RCBTB2: variants seen among roughly 807,000 people sequenced by gnomAD.
The protein encoded by RCBTB2 is RCC1 and BTB domain-containing protein 2.
RCBTB2 carries 55 observed loss-of-function variants against 65.4 expected under a neutral mutation model. The ratio of observed to expected loss-of-function variants is 0.84; its 90% CI spans 0.68 to 1.05. The LOEUF (loss-of-function observed/expected upper bound fraction) is 1.05, where lower values mean the gene tolerates loss of function less well. RCBTB2 is among the 50% of genes least tolerant of loss of function. The pLI is 0.00. For missense variants in RCBTB2, 599 were observed against 680.1 expected (o/e 0.88, Z 1.33); for synonymous variants, 220 against 255.2 (o/e 0.86, Z 1.31).
At chr13:48,492,095 C>T (rs997007338) in intron 14 of RCBTB2, among the ~76,000 whole-genome samples, 1 of 152,180 alleles carries the variant, frequency 6.6e-6, no homozygotes, top group Non-Finnish European at 1.5e-5. Context: ...TACTTCTCCC[C>T]ATAAGCCTGA....
intron 14 of RCBTB2, among the ~76,000 whole-genome samples, chr13:48,493,342 T>TC (rs1949824982): frequency 1.4e-4 from 3 of 22,202 alleles, no homozygotes; most frequent in Admixed American, 5.3e-4. Context: ...CTCTCTCTCT[T>TC]CTCTTCTCTC....
At chr13:48,527,360 T>TCA (rs1491482035) in intron 1 of RCBTB2, among the ~76,000 whole-genome samples, 6 of 114,642 alleles carry the variant, frequency 5.2e-5, no homozygotes, top group African/African-American at 3.1e-4. Flanking sequence ...ATGATATATA[T>TCA]TTATATATGA....
chr13:48,507,288 G>A (rs779758040), intron 10 of RCBTB2, among the ~76,000 whole-genome samples: 7 of 152,256 alleles, frequency 4.6e-5, no homozygotes, highest in Admixed American at 6.5e-5. Context: ...CCAAGCAACC[G>A]CTAAGGAATC....
In RCBTB2 at chr13:48,502,705, T is replaced by C. The variant is rs369101043; in HGVS notation, c.1117+19A>G. On this transcript the variant is annotated intron_variant, in intron 11 of 14. Coordinates refer to ENST00000344532, the MANE Select transcript of RCBTB2 (RefSeq NM_001268.4). ...CCAGATTTTCAGGCCATCCCCCAAA[T>C]GGACAGTGACCAGCTTACCCACGGA... The C allele has an allele frequency of 1.1e-4, 174 of 1,590,214 alleles. No individual in the cohort carries two copies. The highest frequency in any genetic ancestry group is 1.8e-4 in the Middle Eastern group (1 of 5,436).
At chr13:48,535,741 C>T (rs995614926), upstream of RCBTB2, 2 of 456,608 alleles carry the variant, frequency 4.4e-6, no homozygotes, top group Non-Finnish European at 8.8e-6. Flanking sequence ...AAGCATTCAT[C>T]TTCTTCTGTT....
intron 1 of RCBTB2, among the ~76,000 whole-genome samples, chr13:48,525,272 G>C (rs1476115301): frequency 6.7e-6 from 1 of 150,076 alleles, no homozygotes; most frequent in Non-Finnish European, 1.5e-5. Context: ...ATGCATAATG[G>C]ACAGCTTGGA....
chr13:48,499,978 C>T (rs539036493), intron 12 of RCBTB2, among the ~76,000 whole-genome samples: 12 of 152,304 alleles, frequency 7.9e-5, no homozygotes, highest in African/African-American at 2.2e-4. Context: ...CCCCAATGGC[C>T]GTGCTAATGG....
chr13:48,495,681 C>A (rs928340285), intron 14 of RCBTB2, among the ~76,000 whole-genome samples: 11 of 152,202 alleles, frequency 7.2e-5, no homozygotes, highest in African/African-American at 2.4e-4. Flanking sequence ...GTACTCTCAT[C>A]AGCAGTTTAG....
intron 1 of RCBTB2, among the ~76,000 whole-genome samples, chr13:48,530,849 T>TA (rs1420013139): frequency 2.0e-5 from 3 of 152,348 alleles, no homozygotes; most frequent in Middle Eastern, 3.4e-3. Flanking sequence ...CTATATACTA[T>TA]AAAAAATGGT....
intron 12 of RCBTB2, among the ~76,000 whole-genome samples, chr13:48,500,865 G>A (rs889617981): frequency 2.0e-5 from 3 of 152,182 alleles, no homozygotes; most frequent in Non-Finnish European, 2.9e-5. Context: ...ATGTGATATA[G>A]AGAGAGTGAG....
chr13:48,496,971 C>A (rs1950014207), intron 13 of RCBTB2, among the ~76,000 whole-genome samples: 1 of 152,124 alleles, frequency 6.6e-6, no homozygotes, highest in South Asian at 2.1e-4. Context: ...CATTTTCCCA[C>A]CTCCCATTCT....
intron 4 of RCBTB2, 118 bp from the exon 5 acceptor site, chr13:48,515,859 T>C: frequency 2.0e-6 from 2 of 1,006,252 alleles, no homozygotes; most frequent in Non-Finnish European, 2.9e-6. Context: ...GCATCCATTT[T>C]TGAGAGGCCT....
chr13:48,525,373 GATATATATATATATATATATATATATAT>G lies in RCBTB2; in HGVS notation c.-218-644_-218-617del, dbSNP rs59350616. Among the ~76,000 whole-genome samples, 42 of 54,522 alleles carry G rather than the reference GATATATATATATATATATATATATATAT, an allele frequency of 7.7e-4. No homozygotes were observed. In the South Asian group the frequency reaches 0.025, roughly 32 times the overall value. The allele number at this position is 54,522 out of a possible 152,430, so 35.8% of individuals were successfully genotyped here. On this transcript the variant is annotated intron_variant, in intron 1 of 14. Transcript: ENST00000344532. ...ATTCAAAAGTGAGCAAAGGATTCAT[GATATATATATATATATATATATATATAT>G]ATATATATATATATATATTCAGTTA... is the stretch of plus-strand genomic sequence containing the variant.
At chr13:48,525,087 A>C (rs1180165110) in intron 1 of RCBTB2, among the ~76,000 whole-genome samples, 1 of 151,840 alleles carries the variant, frequency 6.6e-6, no homozygotes, top group Admixed American at 6.6e-5. Flanking sequence ...ATCCATGTGG[A>C]AATGTAAAAA....
At position 48,527,339 on chromosome 13, in the gene RCBTB2, T is replaced by TATATATATATATATC. The variant is rs1195644739; in HGVS notation, c.-218-2583_-218-2582insGATATATATATATAT. On this transcript the variant is annotated intron_variant, in intron 1 of 14. Coordinates refer to ENST00000344532, the MANE Select transcript of RCBTB2 (RefSeq NM_001268.4). ...TTGGCTCATATATATATATATATGA[T>TATATATATATATATC]ATATATATATATGATATATATTTAT... Among the ~76,000 whole-genome samples the TATATATATATATATC allele has an allele frequency of 2.2e-3, 265 of 117,976 alleles. 6 individuals are homozygous for TATATATATATATATC. Among genetic ancestry groups the TATATATATATATATC allele is most frequent in the African/African-American group, 0.014 (232 of 16,288 alleles). 77.4% of individuals were successfully genotyped at this position (117,976 alleles called of 152,430 possible). A position where few individuals can be genotyped will look rare whatever the true frequency, so the allele number is the denominator to read the frequency against.
At chr13:48,532,825 C>T (rs1249974341) in intron 1 of RCBTB2, 2 of 340,118 alleles carry the variant, frequency 5.9e-6, no homozygotes, top group African/African-American at 2.3e-5. Flanking sequence ...TTAACTCCCG[C>T]CAGCAGTTTT....
intron 10 of RCBTB2, among the ~76,000 whole-genome samples, chr13:48,508,551 G>A (rs867582145): frequency 6.6e-6 from 1 of 151,906 alleles, no homozygotes; most frequent in South Asian, 2.1e-4. Flanking sequence ...TTACAGGCAT[G>A]TGCCACTGTG....
chr13:48,535,238 C>T (rs1448904679), upstream of RCBTB2, among the ~76,000 whole-genome samples: 1 of 151,784 alleles, frequency 6.6e-6, no homozygotes, highest in Non-Finnish European at 1.5e-5. Context: ...TCCTCATCCC[C>T]TCCTCCTATT....
intron 14 of RCBTB2, among the ~76,000 whole-genome samples, chr13:48,493,289 C>CCACACA (rs1237098435): frequency 2.1e-4 from 22 of 102,352 alleles, no homozygotes; most frequent in African/African-American, 8.2e-4. Flanking sequence ...CTCTCTCTCT[C>CCACACA]CACACACACA....
Sources: gnomAD v4.1 joint callset for allele counts (sites outside exome capture counted in the v4.1 genomes callset) on GRCh38, gnomAD v4.1.1 for gene constraint, MANE v1.5 for transcripts, NCBI Gene and HGNC (gene_info 2026-07-23, HGNC 2026-07-21) for gene names.